Variants in CD2 observed in about 807,000 individuals in gnomAD.
The protein encoded by CD2 is T-cell surface antigen CD2.
In CD2, 18 loss-of-function variants were observed where a neutral mutation model predicts 23.2. That is an observed-to-expected ratio of 0.77 (90% CI 0.54 to 1.15). The LOEUF (loss-of-function observed/expected upper bound fraction) is 1.15, where lower values mean the gene tolerates loss of function less well. Among genes scored for constraint, CD2 ranks in the 50% most tolerant of loss-of-function variants. The pLI is 0.00. For missense variants in CD2, 424 were observed against 423.1 expected (o/e 1.00, Z -0.02); for synonymous variants, 162 against 151.9 (o/e 1.07, Z -0.49).
At chr1:116,757,808 C>T (rs1257582276) in intron 2 of CD2, among the ~76,000 whole-genome samples, 3 of 151,654 alleles carry the variant, frequency 2.0e-5, no homozygotes, top group Non-Finnish European at 2.9e-5. Flanking sequence ...CTCACTCTGT[C>T]GTCCAGCCTG....
intron 2 of CD2, among the ~76,000 whole-genome samples, chr1:116,757,469 T>C (rs1344123483): frequency 6.6e-6 from 1 of 152,096 alleles, no homozygotes; most frequent in Non-Finnish European, 1.5e-5. Context: ...TTAGGTTGGA[T>C]CAGTTCTAAG....
intron 2 of CD2, among the ~76,000 whole-genome samples, chr1:116,756,681 C>T (rs571633010): frequency 6.6e-6 from 1 of 152,254 alleles, no homozygotes; most frequent in South Asian, 2.1e-4. Context: ...TCACCACAAT[C>T]AACATTTTCA....
intron 3 of CD2, among the ~76,000 whole-genome samples, chr1:116,762,333 T>A (rs1270749230): frequency 6.6e-6 from 1 of 152,106 alleles, no homozygotes; most frequent in African/African-American, 2.4e-5. Context: ...TAAATATGTG[T>A]GTGTATTAGG....
intron 3 of CD2, among the ~76,000 whole-genome samples, chr1:116,761,194 T>C (rs1652040445): frequency 6.6e-6 from 1 of 151,814 alleles, no homozygotes; most frequent in Non-Finnish European, 1.5e-5. Flanking sequence ...CTCCAGAAAA[T>C]CTCAAAACTC....
In CD2 at chr1:116,768,896, T is replaced by G; in HGVS notation, c.*113T>G. 9.1e-7 allele frequency: 1 copy of G among 1,100,502 alleles called. No individual in the cohort carries two copies. The highest frequency in any genetic ancestry group is 1.3e-6 in the Non-Finnish European group (1 of 773,220). 68.2% of individuals were successfully genotyped at this position (1,100,502 alleles called of 1,614,324 possible). The stretch of plus-strand genomic sequence containing the variant: ...CTGTGTGCAGAACATTGTCACCTCC[T>G]GAGGCTGTGGGCCACAGCCACCTCT... On this transcript the variant is annotated 3_prime_UTR_variant, in exon 5 of 5. Transcript: ENST00000369478.
At chr1:116,757,016 A>T (rs1651873995) in intron 2 of CD2, among the ~76,000 whole-genome samples, 1 of 141,192 alleles carries the variant, frequency 7.1e-6, no homozygotes. Flanking sequence ...TTTTTAATTG[A>T]GATGGCATCT....
At chr1:116,767,755 A>T (rs1652260821) in intron 4 of CD2, among the ~76,000 whole-genome samples, 1 of 152,122 alleles carries the variant, frequency 6.6e-6, no homozygotes, top group Non-Finnish European at 1.5e-5. Context: ...CCAGGCCTCT[A>T]GCAGCTGGGC....
At position 116,754,880 on chromosome 1, in the gene CD2, T is replaced by A; in HGVS notation, c.311T>A (p.Ile104Asn). Reference protein sequence around the residue: ...IKHLKTDDQDIYKVSIYDTKG... With the variant: ...IKHLKTDDQDNYKVSIYDTKG... ...CATCTGAAGACCGATGATCAGGATATCTACAAGGTATCAATATATGATACA... is the reference window on the plus strand; with the variant it reads ...CATCTGAAGACCGATGATCAGGATAACTACAAGGTATCAATATATGATACA... The change falls in exon 2 of 5, where the codon ATC becomes AAC. Residue 104 changes from isoleucine (I) to asparagine (N), a missense_variant. Physicochemically the swap from Ile to Asn is moderately radical, Grantham distance 149. Transcript: ENST00000369478. 6.2e-7 allele frequency: 1 copy of A among 1,612,230 alleles called. No individual in the cohort carries two copies. Among genetic ancestry groups the A allele is most frequent in the Non-Finnish European group, 8.5e-7 (1 of 1,178,376 alleles).
chr1:116,760,736 C>A, intron 3 of CD2, 104 bp downstream of exon 3: 1 of 835,002 alleles, frequency 1.2e-6, no homozygotes, highest in Non-Finnish European at 2.0e-6. Flanking sequence ...GCAGCCCTGG[C>A]TCAGGATGAG....
intron 4 of CD2, among the ~76,000 whole-genome samples, chr1:116,766,718 G>A (rs1253079967): frequency 1.3e-5 from 2 of 151,894 alleles, no homozygotes; most frequent in East Asian, 1.9e-4. Flanking sequence ...TAAAAATTAG[G>A]TGGGTGCATT....
At chr1:116,767,494 G>A (rs1051830606) in intron 4 of CD2, among the ~76,000 whole-genome samples, 6 of 151,816 alleles carry the variant, frequency 4.0e-5, no homozygotes, top group Non-Finnish European at 7.4e-5. Context: ...AGGAGGCCGA[G>A]GCAGGAGAAT....
At chr1:116,757,631 G>A (rs2101156822) in intron 2 of CD2, among the ~76,000 whole-genome samples, 1 of 152,184 alleles carries the variant, frequency 6.6e-6, no homozygotes, top group South Asian at 2.1e-4. Context: ...ATGCATATAT[G>A]CATTTATTGA....
chr1:116,759,094 AT>A (rs1213945281), intron 2 of CD2, among the ~76,000 whole-genome samples: 2 of 152,246 alleles, frequency 1.3e-5, no homozygotes, highest in African/African-American at 2.4e-5. Context: ...TAGAAAAAAA[AT>A]ATTTCCATTC....
chr1:116,755,620 T>C (rs1651817693), intron 2 of CD2, among the ~76,000 whole-genome samples: 1 of 151,924 alleles, frequency 6.6e-6, no homozygotes, highest in Non-Finnish European at 1.5e-5. Context: ...CCAAGTGGAG[T>C]GAGGACCAAT....
At position 116,754,690 on chromosome 1, in the gene CD2, A is replaced by G. The variant is rs763636317; in HGVS notation, c.121A>G (p.Ile41Val). ...AACCTGGGGTGCCTTGGGTCAGGACATCAACTTGGACATTCCTAGTTTTCA... is the reference window on the plus strand; with the variant it reads ...AACCTGGGGTGCCTTGGGTCAGGACGTCAACTTGGACATTCCTAGTTTTCA... ...LETWGALGQD[I>V]NLDIPSFQMS... Residue 41 changes from isoleucine to valine, a missense_variant, in exon 2 of 5, where the codon ATC (isoleucine) becomes GTC (valine). Physicochemically the swap from Ile to Val is conservative, Grantham distance 29. Coordinates refer to ENST00000369478, the MANE Select transcript of CD2 (RefSeq NM_001767.5). 1 of 1,612,282 alleles carries G rather than the reference A, an allele frequency of 6.2e-7. No individual in the cohort carries two copies. Among genetic ancestry groups the G allele is most frequent in the Non-Finnish European group, 8.5e-7 (1 of 1,179,560 alleles).
intron 2 of CD2, among the ~76,000 whole-genome samples, chr1:116,757,861 T>A (rs1014237853): frequency 6.6e-6 from 1 of 151,892 alleles, no homozygotes; most frequent in Non-Finnish European, 1.5e-5. Context: ...CCTCTGCCTC[T>A]TGGGTTCAAG....
At chr1:116,759,353 G>A (rs1254399233) in intron 2 of CD2, among the ~76,000 whole-genome samples, 2 of 151,730 alleles carry the variant, frequency 1.3e-5, no homozygotes, top group African/African-American at 4.8e-5. Flanking sequence ...AAATAAGCTA[G>A]TCCATCTATA....
intron 2 of CD2, among the ~76,000 whole-genome samples, chr1:116,756,646 C>T (rs1651858974): frequency 1.3e-5 from 2 of 152,044 alleles, no homozygotes; most frequent in African/African-American, 2.4e-5. Flanking sequence ...AAATGGCCTT[C>T]AGTATATTCA....
At chr1:116,759,845 C>T (rs1167647831) in intron 2 of CD2, among the ~76,000 whole-genome samples, 1 of 152,182 alleles carries the variant, frequency 6.6e-6, no homozygotes, top group Non-Finnish European at 1.5e-5. Flanking sequence ...CATATACCCA[C>T]CTGGCCCACT....
Sources: allele counts gnomAD v4.1 joint callset (sites outside exome capture counted in the v4.1 genomes callset), GRCh38; gene constraint gnomAD v4.1.1; transcripts MANE v1.5; gene names NCBI Gene and HGNC (gene_info 2026-07-23, HGNC 2026-07-21).